Variants in NFIA observed in about 807,000 individuals in gnomAD.
The protein encoded by NFIA is nuclear factor I A.
In NFIA, 8 loss-of-function variants were observed where a neutral mutation model predicts 62.8. That is an observed-to-expected ratio of 0.13 (90% CI 0.07 to 0.23). NFIA has a LOEUF of 0.23. Among genes scored for constraint, NFIA ranks in the 10% least tolerant of loss-of-function variants. The pLI, the probability that NFIA is intolerant of heterozygous loss-of-function variation, is 1.00. For missense variants in NFIA, 410 were observed against 642.1 expected, an observed-to-expected ratio of 0.64 and a Z score of 3.91; for synonymous variants, 235 against 238.1, an observed-to-expected ratio of 0.99 and a Z score of 0.12.
rs184078988 is a variant in NFIA, at chr1:61,363,789, G to A, written c.946+4515G>A. Among the ~76,000 whole-genome samples the A allele has an allele frequency of 2.0e-5, 3 of 152,018 alleles. No homozygotes were observed. In the East Asian group the frequency reaches 5.8e-4, roughly 29 times the overall value. ...TTAACTGTTAACAAAGTAAACTATC[G>A]TTTTCATTTATAAAATCAAATAACC... On this transcript the variant is annotated intron_variant, in intron 6 of 10. Transcript: ENST00000403491.
chr1:61,082,440 G>GGGCGCGCGGGC (rs948842336), upstream of NFIA: 4 of 1,030,034 alleles, frequency 3.9e-6, no homozygotes, highest in East Asian at 4.1e-4. Context: ...AGGCGGAGGC[G>GGGCGCGCGGGC]GGCGCGCGGG....
At chr1:61,165,277 T>A (rs759925247) in intron 2 of NFIA, among the ~76,000 whole-genome samples, 1 of 152,242 alleles carries the variant, frequency 6.6e-6, no homozygotes, top group African/African-American at 2.4e-5. Context: ...TGTAAATCAT[T>A]GTTACCTGAT....
chr1:61,092,832 C>G (rs1646343601), intron 2 of NFIA, among the ~76,000 whole-genome samples: 3 of 152,176 alleles, frequency 2.0e-5, no homozygotes, highest in Admixed American at 2.0e-4. Flanking sequence ...TCACTTCCTA[C>G]TGCTTCAGAG....
At chr1:61,106,990 G>A (rs184293625) in intron 2 of NFIA, among the ~76,000 whole-genome samples, 44 of 151,006 alleles carry the variant, frequency 2.9e-4, no homozygotes, top group Non-Finnish European at 4.6e-4. Context: ...ACACACTTCT[G>A]GGAATTGCTT....
chr1:61,314,611 CCT>C (rs1196342957), intron 3 of NFIA, among the ~76,000 whole-genome samples: 1 of 152,138 alleles, frequency 6.6e-6, no homozygotes, highest in Admixed American at 6.6e-5. Context: ...TCTCTTCAAA[CCT>C]CTGTCTGACA....
At chr1:61,153,613 G>A (rs1291694292) in intron 2 of NFIA, among the ~76,000 whole-genome samples, 1 of 152,210 alleles carries the variant, frequency 6.6e-6, no homozygotes, top group Non-Finnish European at 1.5e-5. Flanking sequence ...GTTGGTTGAC[G>A]TTTCAGCTAG....
chr1:61,437,001 C>G (rs1015846502), intron 10 of NFIA, among the ~76,000 whole-genome samples: 2 of 152,208 alleles, frequency 1.3e-5, no homozygotes, highest in Non-Finnish European at 2.9e-5. Flanking sequence ...TTCTCACCCT[C>G]AACACCCTCC....
At chr1:61,447,594 A>G (rs1051786272) in intron 10 of NFIA, among the ~76,000 whole-genome samples, 1 of 152,184 alleles carries the variant, frequency 6.6e-6, no homozygotes, top group African/African-American at 2.4e-5. Context: ...CCAAATAGAT[A>G]GGAACTCTGG....
chr1:61,141,252 T>C (rs1647506551), intron 2 of NFIA, among the ~76,000 whole-genome samples: 2 of 152,116 alleles, frequency 1.3e-5, no homozygotes, highest in Non-Finnish European at 2.9e-5. Flanking sequence ...CTGCTCAGCA[T>C]GAAAAAAACA....
intron 2 of NFIA, among the ~76,000 whole-genome samples, chr1:61,119,243 C>G (rs1646845437): frequency 6.6e-6 from 1 of 152,062 alleles, no homozygotes; most frequent in Non-Finnish European, 1.5e-5. Flanking sequence ...TACTCAAGGC[C>G]CAAAGTCCAC....
chr1:61,376,915 A>G (rs957125544), intron 6 of NFIA, among the ~76,000 whole-genome samples: 3 of 152,132 alleles, frequency 2.0e-5, no homozygotes, highest in African/African-American at 7.2e-5. Context: ...CCTATCTCAG[A>G]TGAAAATGTA....
Position 61,256,973 on chromosome 1 carries a change from A to G in NFIA, c.560-20547A>G, listed in dbSNP as rs147917288. On this transcript the variant is annotated intron_variant, in intron 2 of 10. Coordinates refer to ENST00000403491, the MANE Select transcript of NFIA (RefSeq NM_001134673.4). ...AATAAATTAAAACCTTTCAACTTAG[A>G]GCTGCATTTAAGTGTTATAATTAAA... 4.9e-3 allele frequency among the ~76,000 whole-genome samples: 750 copies of G among 152,266 alleles called. 5 individuals are homozygous for G. Among genetic ancestry groups the G allele is most frequent in the Non-Finnish European group, 7.3e-3 (498 of 68,018 alleles).
chr1:61,398,363 G>A (rs955699382), intron 7 of NFIA, among the ~76,000 whole-genome samples: 12 of 152,100 alleles, frequency 7.9e-5, no homozygotes, highest in African/African-American at 2.9e-4. Flanking sequence ...AAAGACTTTG[G>A]CCTTCTGTTT....
At chr1:61,290,708 C>T (rs1253777446) in intron 3 of NFIA, among the ~76,000 whole-genome samples, 5 of 152,186 alleles carry the variant, frequency 3.3e-5, no homozygotes, top group African/African-American at 1.2e-4. Flanking sequence ...TATGTCCTTT[C>T]AATTCTAGTG....
chr1:61,194,187 C>T (rs1286631385), intron 2 of NFIA, among the ~76,000 whole-genome samples: 2 of 152,118 alleles, frequency 1.3e-5, no homozygotes, highest in East Asian at 3.8e-4. Context: ...TTTTCCCCAT[C>T]CATTAAGATG....
At chr1:61,080,442 G>A (rs749219923), upstream of NFIA, among the ~76,000 whole-genome samples, 2 of 152,208 alleles carry the variant, frequency 1.3e-5, no homozygotes, top group African/African-American at 2.4e-5. Flanking sequence ...TGCTCTGGAA[G>A]AGAGCTTCCC....
At chr1:61,102,588 C>T (rs1427349536) in intron 2 of NFIA, among the ~76,000 whole-genome samples, 1 of 152,072 alleles carries the variant, frequency 6.6e-6, no homozygotes, top group Non-Finnish European at 1.5e-5. Flanking sequence ...TCCCTTACTT[C>T]ATATAATATG....
At chr1:61,442,243 C>G (rs562828525) in intron 10 of NFIA, among the ~76,000 whole-genome samples, 1 of 152,238 alleles carries the variant, frequency 6.6e-6, no homozygotes, top group Non-Finnish European at 1.5e-5. Flanking sequence ...TTCCCCTCTT[C>G]ATCCCACACC....
intron 3 of NFIA, among the ~76,000 whole-genome samples, chr1:61,303,791 A>T (rs549475196): frequency 1.3e-5 from 2 of 152,330 alleles, no homozygotes; most frequent in South Asian, 4.1e-4. Flanking sequence ...TGGTCCAGGG[A>T]TCACACTTGA....
Sources: gnomAD v4.1 joint callset for allele counts (sites outside exome capture counted in the v4.1 genomes callset) on GRCh38, gnomAD v4.1.1 for gene constraint, MANE v1.5 for transcripts, NCBI Gene and HGNC (gene_info 2026-07-23, HGNC 2026-07-21) for gene names.